SLC35A4: variants seen among roughly 807,000 people sequenced by gnomAD.
SLC35A4 encodes the protein solute carrier family 35 member A4, also known as probable UDP-sugar transporter protein SLC35A4.
Under a neutral mutation model 18.8 loss-of-function variants are expected in SLC35A4, and 9 were observed. The observed-to-expected ratio is 0.48, with a 90% CI of 0.29 to 0.83. The LOEUF (loss-of-function observed/expected upper bound fraction) is 0.83, where lower values mean the gene tolerates loss of function less well. Among genes scored for constraint, SLC35A4 ranks in the 40% least tolerant of loss-of-function variants. The pLI, the probability that SLC35A4 is intolerant of heterozygous loss-of-function variation, is 0.09. For synonymous variants in SLC35A4, 189 were observed against 191.9 expected, an observed-to-expected ratio of 0.98 and a Z score of 0.13; for missense variants, 404 against 415.5, an observed-to-expected ratio of 0.97 and a Z score of 0.24.
In SLC35A4 at chr5:140,566,735, G is replaced by A. The variant is rs563162588; in HGVS notation, c.-435G>A. The A allele has an allele frequency of 2.3e-4, 138 of 592,866 alleles. 1 individual carries two copies. The highest frequency in any genetic ancestry group is 1.3e-3 in the Middle Eastern group (3 of 2,240). The allele number at this position is 592,866 out of a possible 1,614,324, so 36.7% of individuals were successfully genotyped here. A position where few individuals can be genotyped will look rare whatever the true frequency, so the allele number is the denominator to read the frequency against. On this transcript the variant is annotated 5_prime_UTR_variant, in exon 3 of 3. Coordinates refer to ENST00000323146, the MANE Select transcript of SLC35A4 (RefSeq NM_080670.4). ...TGGAGAAGACATTAAGGGACTATTT[G>A]CAGTTGCTACGCAAGGGGCCCGACT...
rs150294623 is a variant in SLC35A4, at chr5:140,565,366, G to A, written c.-704-507G>A. On this transcript the variant is annotated intron_variant, in intron 1 of 2. Coordinates refer to ENST00000323146, the MANE Select transcript of SLC35A4 (RefSeq NM_080670.4). ...CACATTCAGTTTGGGATGTCCTTGG[G>A]AAGAAAGAGGTAAAGCCCATCCAGG... is the stretch of plus-strand genomic sequence containing the variant. 5.7e-5 allele frequency: 9 copies of A among 158,400 alleles called. No homozygotes were observed. The East Asian group carries it at 1.7e-3, about 29-fold the overall frequency. 9.8% of individuals were successfully genotyped at this position (158,400 alleles called of 1,614,324 possible). A position where few individuals can be genotyped will look rare whatever the true frequency, so the allele number is the denominator to read the frequency against.
At position 140,568,123 on chromosome 5, in the gene SLC35A4, C is replaced by T. The variant is rs1264302059; in HGVS notation, c.954C>T (p.Arg318=). 1.2e-6 allele frequency: 2 copies of T among 1,613,658 alleles called. No homozygotes were observed. Among genetic ancestry groups the T allele is most frequent in the Non-Finnish European group, 1.7e-6 (2 of 1,180,038 alleles). Residue 318 remains arginine (R), a synonymous_variant, in exon 3 of 3, where the codon CGC becomes CGT. Transcript: ENST00000323146. The stretch of plus-strand genomic sequence containing the variant: ...CATTGCTCATTGGCCTGGCCATGCG[C>T]CTGTACTATGGCAGCCGCTAGTCCC... ...LATLLIGLAM[R]LYYGSR is the part of the protein sequence containing the mutation.
rs779232488 is a variant in SLC35A4 at position 140,567,688 on chromosome 5, A to G, written c.519A>G (p.Pro173=). 6.2e-7 allele frequency: 1 copy of G among 1,614,086 alleles called. No homozygotes were observed. The change falls in exon 3 of 3, where the codon CCA becomes CCG. Residue 173 remains proline, a synonymous_variant. Transcript: ENST00000323146. Reference sequence around the variant, plus strand: ...GGAACACCCTTCCCAGTCCCCCTCCAGCAGCTGCTGCCAGCCCCATGCCCC... The same window carrying G: ...GGAACACCCTTCCCAGTCCCCCTCCGGCAGCTGCTGCCAGCCCCATGCCCC... ...VPGNTLPSPP[P]AAAASPMPLH...
rs1012716709 is a variant in SLC35A4, at chr5:140,566,772, C to A, written c.-398C>A. The A allele has an allele frequency of 1.3e-5, 8 of 598,996 alleles. No homozygotes were observed. The African/African-American group carries it at 1.5e-4, about 11-fold the overall frequency. The allele number at this position is 598,996 out of a possible 1,614,324, so 37.1% of individuals were successfully genotyped here. A position where few individuals can be genotyped will look rare whatever the true frequency, so the allele number is the denominator to read the frequency against. On this transcript the variant is annotated 5_prime_UTR_variant, in exon 3 of 3. Coordinates refer to ENST00000323146, the MANE Select transcript of SLC35A4 (RefSeq NM_080670.4). ...CAAGGGGCCCGACTAGCTCTAGGTG[C>A]CATGGAAGAGGCAGGATGAGCAGCT... is the stretch of plus-strand genomic sequence containing the variant.
rs771596100 is a variant in SLC35A4 at position 140,567,901 on chromosome 5, C to T, written c.732C>T (p.Gly244=). 3 of 1,614,218 alleles carry T rather than the reference C, an allele frequency of 1.9e-6. No homozygotes were observed. Among genetic ancestry groups the T allele is most frequent in the East Asian group, 4.5e-5 (2 of 44,886 alleles). ...GLHAGGGSGP[G]LLEGFSGWAA... ...ATGCTGGCGGCGGCTCTGGCCCAGG[C>T]CTCCTGGAAGGTTTCTCAGGATGGG... The change falls in exon 3 of 3, where the codon GGC becomes GGT. Residue 244 remains glycine (G), a synonymous_variant. Coordinates refer to ENST00000323146, the MANE Select transcript of SLC35A4 (RefSeq NM_080670.4).
Position 140,568,029 on chromosome 5 carries a change from T to A in SLC35A4, c.860T>A (p.Leu287Gln). The change falls in exon 3 of 3, where the codon CTG (leucine) becomes CAG (glutamine). Residue 287 changes from leucine (L) to glutamine (Q), a missense_variant. Leu to Gln is a moderately radical substitution (Grantham distance 113, BLOSUM62 -2). Coordinates refer to ENST00000323146, the MANE Select transcript of SLC35A4 (RefSeq NM_080670.4). ...ITRLFVVSCS[L>Q]VVNAVLSAVL... is the part of the protein sequence containing the mutation. ...CGCCTCTTTGTGGTGTCCTGCTCGC[T>A]GGTGGTCAACGCCGTGCTCTCAGCA... The A allele has an allele frequency of 1.9e-6, 3 of 1,614,038 alleles. No homozygotes were observed. Among genetic ancestry groups the A allele is most frequent in the Non-Finnish European group, 2.5e-6 (3 of 1,180,012 alleles).
chr5:140,566,092 C>T (rs951290405), intron 2 of SLC35A4, 121 bp downstream of exon 2: 14 of 396,186 alleles, frequency 3.5e-5, no homozygotes, highest in Admixed American at 4.4e-5. Context: ...TTCTCAGTCA[C>T]CCTAAGGACA....
chr5:140,567,987 A>G lies in SLC35A4; in HGVS notation c.818A>G (p.His273Arg). ...CTGCTCATGTCTGCTGTCATGAAGCATGGCAGCAGCATCACACGCCTCTTT... is the reference window on the plus strand; with the variant it reads ...CTGCTCATGTCTGCTGTCATGAAGCGTGGCAGCAGCATCACACGCCTCTTT... The part of the protein sequence containing the change: ...NGLLMSAVMK[H>R]GSSITRLFVV... The change falls in exon 3 of 3, where the codon CAT (histidine) becomes CGT (arginine). Residue 273 changes from histidine (H) to arginine (R), a missense_variant. Transcript: ENST00000323146. 5 of 1,614,130 alleles carry G rather than the reference A, an allele frequency of 3.1e-6. No individual in the cohort carries two copies. Among genetic ancestry groups the G allele is most frequent in the Non-Finnish European group, 4.2e-6 (5 of 1,180,024 alleles).
rs1027714629 is a variant in SLC35A4 at position 140,568,808 on chromosome 5, G to T, written c.*664G>T. 1 of 167,486 alleles carries T rather than the reference G, an allele frequency of 6.0e-6. No homozygotes were observed. Among genetic ancestry groups the T allele is most frequent in the African/African-American group, 2.4e-5 (1 of 41,438 alleles). 10.4% of individuals were successfully genotyped at this position (167,486 alleles called of 1,614,324 possible). Reference sequence around the variant, plus strand: ...GGCTTGACTCATCTCAGGGAATGTAGCCCCTGGGCCCTGGCTTAAGCCGAC... The same window carrying T: ...GGCTTGACTCATCTCAGGGAATGTATCCCCTGGGCCCTGGCTTAAGCCGAC... On this transcript the variant is annotated 3_prime_UTR_variant, in exon 3 of 3. Transcript: ENST00000323146.
Position 140,567,439 on chromosome 5 carries a change from A to G in SLC35A4, c.270A>G (p.Ala90=), listed in dbSNP as rs1354141783. ...PPPWRQAAPF[A]LSALLYGANN... ...CCTGGCGCCAGGCTGCTCCCTTCGC[A>G]CTATCAGCCCTGCTCTATGGCGCTA... Residue 90 remains alanine, a synonymous_variant, in exon 3 of 3, where the codon GCA becomes GCG. Coordinates refer to ENST00000323146, the MANE Select transcript of SLC35A4 (RefSeq NM_080670.4). 3 of 1,614,058 alleles carry G rather than the reference A, an allele frequency of 1.9e-6. No individual in the cohort carries two copies. Among genetic ancestry groups the G allele is most frequent in the Admixed American group, 1.7e-5 (1 of 60,034 alleles).
chr5:140,566,611 G>A lies in SLC35A4; in HGVS notation c.-559G>A. ...CCGTTCCTCAAGGGATTCCTGGCTGGCTATGTGGTGGCCAAACTGAGGGCA... is the reference window on the plus strand; with the variant it reads ...CCGTTCCTCAAGGGATTCCTGGCTGACTATGTGGTGGCCAAACTGAGGGCA... On this transcript the variant is annotated 5_prime_UTR_variant, in exon 3 of 3. Transcript: ENST00000323146. 3 of 440,172 alleles carry A rather than the reference G, an allele frequency of 6.8e-6. No individual in the cohort carries two copies. The East Asian group carries it at 1.0e-4, about 15-fold the overall frequency. The allele number at this position is 440,172 out of a possible 1,614,324, so 27.3% of individuals were successfully genotyped here. A position where few individuals can be genotyped will look rare whatever the true frequency, so the allele number is the denominator to read the frequency against.
rs1460246416 is a variant in SLC35A4 at position 140,568,675 on chromosome 5, C to CT, written c.*532dup. The CT allele has an allele frequency of 5.6e-6, 1 of 177,392 alleles. No homozygotes were observed. The highest frequency in any genetic ancestry group is 1.9e-4 in the East Asian group (1 of 5,384). 11.0% of individuals were successfully genotyped at this position (177,392 alleles called of 1,614,324 possible). ...TTATACAACCATTACCCAAACCACT[C>CT]TGACAGTCTCCTCCAGTTCCAGCAA... On this transcript the variant is annotated 3_prime_UTR_variant, in exon 3 of 3. Coordinates refer to ENST00000323146, the MANE Select transcript of SLC35A4 (RefSeq NM_080670.4).
chr5:140,568,338 G>T lies in SLC35A4; in HGVS notation c.*194G>T. The T allele has an allele frequency of 1.2e-6, 1 of 848,312 alleles. No individual in the cohort carries two copies. Among genetic ancestry groups the T allele is most frequent in the Non-Finnish European group, 1.8e-6 (1 of 549,822 alleles). 52.5% of individuals were successfully genotyped at this position (848,312 alleles called of 1,614,324 possible). A position where few individuals can be genotyped will look rare whatever the true frequency, so the allele number is the denominator to read the frequency against. ...AAGGGGTACCCCTAGGAGATGTGAA[G>T]TGTGGGTTTGGTTAAGGAAATGCTT... On this transcript the variant is annotated 3_prime_UTR_variant, in exon 3 of 3. Coordinates refer to ENST00000323146, the MANE Select transcript of SLC35A4 (RefSeq NM_080670.4).
chr5:140,566,527 G>C, intron 2 of SLC35A4, 38 bp from the exon 3 acceptor site: 1 of 413,840 alleles, frequency 2.4e-6, no homozygotes. Flanking sequence ...AGTCAGGAAG[G>C]AGCCTAGCTA....
chr5:140,565,109 A>G, intron 1 of SLC35A4: 1 of 393,056 alleles, frequency 2.5e-6, no homozygotes, highest in Non-Finnish European at 4.5e-6. Context: ...GCACAGACTC[A>G]AAAACATTCA....
chr5:140,566,289 G>T (rs990423326), intron 2 of SLC35A4, among the ~76,000 whole-genome samples: 2 of 152,176 alleles, frequency 1.3e-5, no homozygotes, highest in Non-Finnish European at 2.9e-5. Flanking sequence ...AGGAAATGAG[G>T]CTGGAGAAAC....
rs764343620 is a variant in SLC35A4 at position 140,567,309 on chromosome 5, C to G, written c.140C>G (p.Pro47Arg). 48 of 1,614,178 alleles carry G rather than the reference C, an allele frequency of 3.0e-5. 1 individual carries two copies. The South Asian group carries it at 4.9e-4, about 17-fold the overall frequency. ...LALCHVDGRV[P>R]FRPSSAVLLT... Reference sequence around the variant, plus strand: ...CTGTGCCATGTGGACGGCCGAGTGCCCTTCCGGCCCTCCTCAGCCGTGCTG... The same window carrying G: ...CTGTGCCATGTGGACGGCCGAGTGCGCTTCCGGCCCTCCTCAGCCGTGCTG... Residue 47 changes from proline (P) to arginine (R), a missense_variant, in exon 3 of 3, where the codon CCC becomes CGC. By Grantham distance (103) the Pro-to-Arg change is moderately radical. Transcript: ENST00000323146.
In SLC35A4 at chr5:140,567,453, T is replaced by G. The variant is rs773593488; in HGVS notation, c.284T>G (p.Leu95Arg). The G allele has an allele frequency of 6.2e-7, 1 of 1,614,088 alleles. No individual in the cohort carries two copies. The highest frequency in any genetic ancestry group is 1.7e-5 in the Admixed American group (1 of 60,028). ...GCTCCCTTCGCACTATCAGCCCTGC[T>G]CTATGGCGCTAACAACAACCTGGTG... ...QAAPFALSAL[L>R]YGANNNLVIY... Residue 95 changes from leucine to arginine, a missense_variant, in exon 3 of 3, where the codon CTC (leucine) becomes CGC (arginine). Transcript: ENST00000323146.
Position 140,568,129 on chromosome 5 carries a change from C to T in SLC35A4, c.960C>T (p.Tyr320=). 1 of 1,613,416 alleles carries T rather than the reference C, an allele frequency of 6.2e-7. No homozygotes were observed. Among genetic ancestry groups the T allele is most frequent in the Non-Finnish European group, 8.5e-7 (1 of 1,180,036 alleles). The change falls in exon 3 of 3, where the codon TAC becomes TAT. Residue 320 remains tyrosine (Y), a synonymous_variant. Transcript: ENST00000323146. ...TLLIGLAMRL[Y]YGSR Reference sequence around the variant, plus strand: ...TCATTGGCCTGGCCATGCGCCTGTACTATGGCAGCCGCTAGTCCCTGACAA... The same window carrying T: ...TCATTGGCCTGGCCATGCGCCTGTATTATGGCAGCCGCTAGTCCCTGACAA...
Sources: gnomAD v4.1 joint callset for allele counts (sites outside exome capture counted in the v4.1 genomes callset) on GRCh38, gnomAD v4.1.1 for gene constraint, MANE v1.5 for transcripts, NCBI Gene and HGNC (gene_info 2026-07-23, HGNC 2026-07-21) for gene names.